The following NSMCE2 variants were observed in gnomAD, a reference collection of about 807,000 sequenced individuals.
The protein encoded by NSMCE2 is E3 SUMO-protein ligase NSE2.
In NSMCE2, 24 loss-of-function variants were observed where a neutral mutation model predicts 23.8. The observed-to-expected ratio is 1.01, with a 90% CI of 0.73 to 1.42. The LOEUF (loss-of-function observed/expected upper bound fraction) is 1.42, where lower values mean the gene tolerates loss of function less well. Among genes scored for constraint, NSMCE2 ranks in the 40% most tolerant of loss-of-function variants. The pLI, the probability that NSMCE2 is intolerant of heterozygous loss-of-function variation, is 0.00. For synonymous variants in NSMCE2, 92 were observed against 94.1 expected, an observed-to-expected ratio of 0.98 and a Z score of 0.13; for missense variants, 284 against 296.5, an observed-to-expected ratio of 0.96 and a Z score of 0.31.
At chr8:125,316,017 G>T (rs988342512) in intron 5 of NSMCE2, among the ~76,000 whole-genome samples, 6 of 151,966 alleles carry the variant, frequency 3.9e-5, no homozygotes, top group African/African-American at 1.5e-4. Context: ...GTGTTGCCCG[G>T]GCTGGTCTCA....
intron 3 of NSMCE2, among the ~76,000 whole-genome samples, chr8:125,103,708 A>G (rs549537180): frequency 1.2e-4 from 18 of 152,244 alleles, no homozygotes; most frequent in African/African-American, 3.6e-4. Flanking sequence ...AATAATTTCT[A>G]TTGCTAAGTT....
intron 5 of NSMCE2, among the ~76,000 whole-genome samples, chr8:125,190,228 C>G (rs1228975234): frequency 6.6e-6 from 1 of 152,210 alleles, no homozygotes; most frequent in African/African-American, 2.4e-5. Flanking sequence ...CTGTGTGTCT[C>G]TTTCCTCCCT....
At chr8:125,183,634 G>GGTTGTGTGTGTGTGTGTGTGTGTGTGT (rs71515999) in intron 5 of NSMCE2, among the ~76,000 whole-genome samples, 20 of 147,502 alleles carry the variant, frequency 1.4e-4, no homozygotes, top group African/African-American at 5.0e-4. Flanking sequence ...ATTACTCAGT[G>GGTTGTGTGTGTGTGTGTGTGTGTGTGT]GTGTGTGTGT....
chr8:125,236,375 A>G (rs1300658626), intron 5 of NSMCE2, among the ~76,000 whole-genome samples: 2 of 152,162 alleles, frequency 1.3e-5, no homozygotes, highest in African/African-American at 4.8e-5. Context: ...CTATATATAT[A>G]TATATCATAT....
chr8:125,271,065 GC>G (rs1438639702), intron 5 of NSMCE2, among the ~76,000 whole-genome samples: 1 of 151,970 alleles, frequency 6.6e-6, no homozygotes, highest in Non-Finnish European at 1.5e-5. Flanking sequence ...TTCAAGACCA[GC>G]CTGAACAACA....
At chr8:125,288,007 G>T (rs28412398) in intron 5 of NSMCE2, among the ~76,000 whole-genome samples, 4,771 of 151,926 alleles carry the variant, frequency 0.031, 221 homozygotes, top group African/African-American at 0.11. Flanking sequence ...TGTTTTTCTT[G>T]TGGAGACAGG....
chr8:125,199,756 G>C (rs946270393), intron 5 of NSMCE2, among the ~76,000 whole-genome samples: 9 of 152,172 alleles, frequency 5.9e-5, no homozygotes, highest in Non-Finnish European at 1.2e-4. Flanking sequence ...TTGTTTATCA[G>C]TCTAATATTG....
chr8:125,187,485 C>G (rs562126687), intron 5 of NSMCE2, among the ~76,000 whole-genome samples: 1 of 152,246 alleles, frequency 6.6e-6, no homozygotes, highest in Non-Finnish European at 1.5e-5. Context: ...CTTCTCCTTG[C>G]CTTAAACTGC....
intron 5 of NSMCE2, among the ~76,000 whole-genome samples, chr8:125,349,859 G>A (rs973656506): frequency 5.9e-5 from 9 of 152,152 alleles, no homozygotes; most frequent in African/African-American, 1.9e-4. Flanking sequence ...CCTTTGACAT[G>A]TAATTCAGGG....
chr8:125,259,098 C>T (rs2131041329), intron 5 of NSMCE2, among the ~76,000 whole-genome samples: 2 of 152,258 alleles, frequency 1.3e-5, no homozygotes, highest in South Asian at 4.1e-4. Flanking sequence ...GACGGGGTTT[C>T]TCCATATTGG....
At chr8:125,218,111 TAAAA>T (rs1824683211) in intron 5 of NSMCE2, among the ~76,000 whole-genome samples, 2 of 152,300 alleles carry the variant, frequency 1.3e-5, no homozygotes, top group South Asian at 4.1e-4. Context: ...CTTTTTAAAA[TAAAA>T]GTTAATTATA....
chr8:125,244,132 G>T (rs964468156), intron 5 of NSMCE2, among the ~76,000 whole-genome samples: 1 of 151,942 alleles, frequency 6.6e-6, no homozygotes, highest in South Asian at 2.1e-4. Context: ...AAAGAATAAT[G>T]TAACAGACTA....
chr8:125,233,500 C>T (rs1156355418), intron 5 of NSMCE2, among the ~76,000 whole-genome samples: 2 of 151,888 alleles, frequency 1.3e-5, no homozygotes, highest in Non-Finnish European at 2.9e-5. Flanking sequence ...GGTATTAGTA[C>T]TATTAGGTAA....
intron 3 of NSMCE2, among the ~76,000 whole-genome samples, chr8:125,139,713 T>G (rs1820259889): frequency 1.3e-5 from 2 of 152,222 alleles, no homozygotes; most frequent in African/African-American, 4.8e-5. Flanking sequence ...ACATGGGAAT[T>G]GTGGGAGCTA....
intron 5 of NSMCE2, among the ~76,000 whole-genome samples, chr8:125,195,819 G>A (rs577953780): frequency 7.5e-5 from 11 of 146,588 alleles, no homozygotes; most frequent in African/African-American, 2.5e-4. Context: ...GTCTTTCAGA[G>A]TTATTTGCCT....
intron 5 of NSMCE2, among the ~76,000 whole-genome samples, chr8:125,228,952 A>G (rs866447446): frequency 2.0e-5 from 3 of 152,226 alleles, no homozygotes; most frequent in South Asian, 4.1e-4. Flanking sequence ...CCTGAAGTCC[A>G]TTCCTTTTTT....
intron 5 of NSMCE2, among the ~76,000 whole-genome samples, chr8:125,298,174 C>T (rs1441736404): frequency 6.6e-6 from 1 of 152,120 alleles, no homozygotes; most frequent in Non-Finnish European, 1.5e-5. Flanking sequence ...GCCAGAGGAT[C>T]GCTTGAACCT....
At chr8:125,342,315 C>G (rs924682904) in intron 5 of NSMCE2, among the ~76,000 whole-genome samples, 1 of 152,230 alleles carries the variant, frequency 6.6e-6, no homozygotes, top group African/African-American at 2.4e-5. Flanking sequence ...TATTGTCAAG[C>G]ACTGTGAATG....
intron 7 of NSMCE2, among the ~76,000 whole-genome samples, chr8:125,366,184 G>T (rs2129694261): frequency 6.6e-6 from 1 of 152,306 alleles, no homozygotes; most frequent in Non-Finnish European, 1.5e-5. Context: ...CCCATAAGGT[G>T]ACCTGAACTT....
Sources: gnomAD v4.1 joint callset for allele counts (sites outside exome capture counted in the v4.1 genomes callset) on GRCh38, gnomAD v4.1.1 for gene constraint, MANE v1.5 for transcripts, NCBI Gene and HGNC (gene_info 2026-07-23, HGNC 2026-07-21) for gene names.